CD300C: variants seen among roughly 807,000 people sequenced by gnomAD.
The protein encoded by CD300C is CMRF35-like molecule 6.
In CD300C, 11 loss-of-function variants were observed where a neutral mutation model predicts 18.4. The observed-to-expected ratio is 0.60, with a 90% CI of 0.38 to 0.99. The LOEUF is 0.99. CD300C is among the 50% of genes least tolerant of loss of function. CD300C has a pLI of 0.01. For missense variants in CD300C, 277 were observed against 287.4 expected (o/e 0.96, Z 0.26); for synonymous variants, 116 against 116.3 (o/e 1.00, Z 0.02).
downstream of CD300C, among the ~76,000 whole-genome samples, chr17:74,536,624 CA>C (rs567965232): frequency 6.0e-5 from 9 of 151,176 alleles, no homozygotes; most frequent in East Asian, 1.7e-3. Context: ...TTCAGATAAC[CA>C]AAAAACACAT....
chr17:74,545,622 G>T (rs1336528790), intron 1 of CD300C, 100 bp downstream of exon 1: 16 of 947,084 alleles, frequency 1.7e-5, no homozygotes, highest in Non-Finnish European at 2.3e-5. Context: ...CCCTCTCCCT[G>T]CCCCACTCCC....
chr17:74,539,216 G>T (rs1908468008), downstream of CD300C, among the ~76,000 whole-genome samples: 3 of 152,132 alleles, frequency 2.0e-5, no homozygotes, highest in Admixed American at 1.3e-4. Context: ...GGGGAATCTT[G>T]GTGGACCTGG....
At chr17:74,535,895 C>T in the CD300C span, among the ~76,000 whole-genome samples, 1 of 152,052 alleles carries the variant, frequency 6.6e-6, no homozygotes, top group Non-Finnish European at 1.5e-5. Context: ...GCAAATTCAA[C>T]ATAATAGAGT....
chr17:74,545,933 G>A lies in CD300C; in HGVS notation c.-151C>T, dbSNP rs1289089721. 7.0e-6 allele frequency: 5 copies of A among 709,492 alleles called. No individual in the cohort carries two copies. The highest frequency in any genetic ancestry group is 1.2e-5 in the Non-Finnish European group (5 of 414,726). 43.9% of individuals were successfully genotyped at this position (709,492 alleles called of 1,614,324 possible). A position where few individuals can be genotyped will look rare whatever the true frequency, so the allele number is the denominator to read the frequency against. On this transcript the variant is annotated 5_prime_UTR_variant, in exon 1 of 4. Transcript: ENST00000330793. ...TGTCTCAGGTCTGAGGCTGGAGAGG[G>A]TCAGGGTACAGGAAGCTCAGGGAGA...
rs1256584383 is a variant in CD300C, at chr17:74,544,640, G to A, written c.369C>T (p.Pro123=). 1 of 1,613,140 alleles carries A rather than the reference G, an allele frequency of 6.2e-7. No individual in the cohort carries two copies. The highest frequency in any genetic ancestry group is 8.5e-7 in the Non-Finnish European group (1 of 1,179,226). Residue 123 remains proline, a synonymous_variant, in exon 2 of 4, where the codon CCC becomes CCT. Transcript: ENST00000330793. Reference sequence around the variant, plus strand: ...ACACGGACACCTCAACCTCGACAATGGGATCATGAAAGTCTCGGAGCCACG... The same window carrying A: ...ACACGGACACCTCAACCTCGACAATAGGATCATGAAAGTCTCGGAGCCACG... ...DTPWLRDFHD[P]IVEVEVSVFP...
downstream of CD300C, among the ~76,000 whole-genome samples, chr17:74,536,417 C>G (rs2143119970): frequency 6.6e-6 from 1 of 151,520 alleles, no homozygotes; most frequent in Non-Finnish European, 1.5e-5. Context: ...CCTATAATCC[C>G]AGCTACTCGG....
rs1568007990 is a variant in CD300C, at chr17:74,544,950, G to GA, written c.62-4dup. 1.2e-6 allele frequency: 2 copies of GA among 1,601,828 alleles called. No homozygotes were observed. The highest frequency in any genetic ancestry group is 1.7e-6 in the Non-Finnish European group (2 of 1,173,036). On this transcript the variant is annotated splice_region_variant and splice_polypyrimidine_tract_variant and intron_variant, in intron 1 of 3. Transcript: ENST00000330793. ...GGGGTGGCTCAGAGGAAAATAGCCT[G>GA]AAAAATACAAGCCAAAATCCTGTCT... is the stretch of plus-strand genomic sequence containing the variant.
intron 1 of CD300C, among the ~76,000 whole-genome samples, chr17:74,545,312 G>A (rs533909341): frequency 7.1e-6 from 1 of 141,346 alleles, no homozygotes; most frequent in African/African-American, 2.5e-5. Context: ...GTGTGACTGT[G>A]TGTGCATGTG....
At chr17:74,543,543 C>T (rs1908635217) in intron 2 of CD300C, among the ~76,000 whole-genome samples, 2 of 152,346 alleles carry the variant, frequency 1.3e-5, no homozygotes, top group South Asian at 4.1e-4. Context: ...CCCGGTGAAG[C>T]CTGGGCGGCG....
intron 1 of CD300C, 88 bp from the exon 2 acceptor site, chr17:74,545,035 G>C: frequency 8.0e-7 from 1 of 1,251,458 alleles, no homozygotes. Flanking sequence ...GACCCTGGGC[G>C]TGTGGAGAAG....
In CD300C at chr17:74,541,460, G is replaced by T; in HGVS notation, c.*129C>A. 1 of 711,938 alleles carries T rather than the reference G, an allele frequency of 1.4e-6. No homozygotes were observed. The highest frequency in any genetic ancestry group is 2.5e-6 in the Non-Finnish European group (1 of 394,462). 44.1% of individuals were successfully genotyped at this position (711,938 alleles called of 1,614,324 possible). On this transcript the variant is annotated 3_prime_UTR_variant, in exon 4 of 4. Transcript: ENST00000330793. ...ACATGAGGATCGGGCACAGGGAAAA[G>T]GCTGAAGGAGGCTCACAAAGGATTC...
At chr17:74,540,538 A>T (rs752846661), downstream of CD300C, among the ~76,000 whole-genome samples, 15 of 152,182 alleles carry the variant, frequency 9.9e-5, no homozygotes, top group Non-Finnish European at 2.1e-4. Context: ...GAATGGAAAA[A>T]AGGGTTAAGA....
chr17:74,539,399 C>T (rs1222135079), downstream of CD300C, among the ~76,000 whole-genome samples: 6 of 152,326 alleles, frequency 3.9e-5, no homozygotes, highest in South Asian at 1.0e-3. Context: ...TCAGGTCTGA[C>T]CTTGACCCAG....
At chr17:74,543,671 C>A (rs926446481) in intron 2 of CD300C, among the ~76,000 whole-genome samples, 1 of 152,226 alleles carries the variant, frequency 6.6e-6, no homozygotes. Context: ...AGGGACACGT[C>A]GCCCCCGGGG....
intron 3 of CD300C, among the ~76,000 whole-genome samples, 189 bp from the exon 4 acceptor site, chr17:74,541,925 G>C (rs1908565616): frequency 6.6e-6 from 1 of 152,142 alleles, no homozygotes; most frequent in Admixed American, 6.5e-5. Context: ...CTTGACCTGA[G>C]GACTGTGACA....
At chr17:74,535,362 G>A in the CD300C span, among the ~76,000 whole-genome samples, 1 of 151,592 alleles carries the variant, frequency 6.6e-6, no homozygotes, top group Non-Finnish European at 1.5e-5. Context: ...CCAGCAACTT[G>A]GGAGGCTGAG....
chr17:74,542,778 A>G (rs7215669), intron 3 of CD300C, 83 bp downstream of exon 3: 627,799 of 1,467,416 alleles, frequency 0.43, 140,788 homozygotes, highest in Middle Eastern at 0.53. Flanking sequence ...AGGGACTGGA[A>G]GAAGGGACAT....
downstream of CD300C, among the ~76,000 whole-genome samples, chr17:74,540,053 A>G (rs1421258760): frequency 6.6e-6 from 1 of 152,242 alleles, no homozygotes; most frequent in Non-Finnish European, 1.5e-5. Flanking sequence ...TATCCAGCTC[A>G]GGCTGGGGAG....
chr17:74,545,308 CTG>C (rs746453087), intron 1 of CD300C, among the ~76,000 whole-genome samples: 4 of 146,810 alleles, frequency 2.7e-5, no homozygotes, highest in African/African-American at 1.0e-4. Context: ...GTGAGTGTGA[CTG>C]TGTGTGCATG....
Sources: allele counts gnomAD v4.1 joint callset (sites outside exome capture counted in the v4.1 genomes callset), GRCh38; gene constraint gnomAD v4.1.1; transcripts MANE v1.5; gene names NCBI Gene and HGNC (gene_info 2026-07-23, HGNC 2026-07-21).